The following IL1R2 variants were observed in gnomAD, a reference collection of about 807,000 sequenced individuals.
The protein encoded by IL1R2 is interleukin 1 receptor type 2.
Under a neutral mutation model 39.5 loss-of-function variants are expected in IL1R2, and 46 were observed. That is an observed-to-expected ratio of 1.16 (90% CI 0.92 to 1.49). The LOEUF (loss-of-function observed/expected upper bound fraction) is 1.49, where lower values mean the gene tolerates loss of function less well. IL1R2 is among the 40% of genes most tolerant of loss of function. The probability of loss-of-function intolerance (pLI) is 0.00; values close to 1 mark genes in which losing one functional copy is unlikely to be tolerated. For missense variants in IL1R2, 537 were observed against 502.0 expected (o/e 1.07, Z -0.67); for synonymous variants, 207 against 189.6 (o/e 1.09, Z -0.75).
chr2:102,009,433 A>T, intron 2 of IL1R2, 129 bp from the exon 3 acceptor site: 1 of 1,033,912 alleles, frequency 9.7e-7, no homozygotes, highest in Non-Finnish European at 1.4e-6. Context: ...GTTAGGGACA[A>T]ATGACATCTT....
At chr2:102,018,244 A>G (rs1677133267) in intron 4 of IL1R2, among the ~76,000 whole-genome samples, 1 of 152,182 alleles carries the variant, frequency 6.6e-6, no homozygotes, top group African/African-American at 2.4e-5. Context: ...CCTAGAATGC[A>G]TTCTCTTTTG....
chr2:102,001,043 T>G (rs1176080668), intron 1 of IL1R2, among the ~76,000 whole-genome samples: 2 of 152,166 alleles, frequency 1.3e-5, no homozygotes, highest in South Asian at 2.1e-4. Context: ...GTGGTCTTGC[T>G]GGGTGTCAGT....
intron 1 of IL1R2, among the ~76,000 whole-genome samples, chr2:101,994,184 G>C (rs928922485): frequency 6.6e-6 from 1 of 152,126 alleles, no homozygotes. Flanking sequence ...CTCTCCCGGG[G>C]TCTTCAGTTG....
At chr2:102,022,684 T>C (rs1171708397) in intron 6 of IL1R2, among the ~76,000 whole-genome samples, 1 of 152,186 alleles carries the variant, frequency 6.6e-6, no homozygotes, top group Non-Finnish European at 1.5e-5. Context: ...GGCTCAGCTG[T>C]GGTCAGTTTC....
At chr2:102,013,068 G>A (rs2160140) in intron 3 of IL1R2, among the ~76,000 whole-genome samples, 34,487 of 152,054 alleles carry the variant, frequency 0.23, 4,738 homozygotes, top group Non-Finnish European at 0.27. Context: ...TTCCCAAAAG[G>A]CAATCCTCAT....
chr2:102,003,463 T>G (rs999008701), intron 1 of IL1R2, among the ~76,000 whole-genome samples: 3 of 138,662 alleles, frequency 2.2e-5, no homozygotes, highest in Non-Finnish European at 4.6e-5. Flanking sequence ...TGTGGCTGTG[T>G]CTGTGTCGGT....
chr2:101,997,115 G>T (rs529279049), intron 1 of IL1R2, among the ~76,000 whole-genome samples: 32 of 152,144 alleles, frequency 2.1e-4, no homozygotes, highest in Non-Finnish European at 4.3e-4. Flanking sequence ...TGCTGACCTG[G>T]GGTAGGCACT....
intron 5 of IL1R2, among the ~76,000 whole-genome samples, chr2:102,021,539 C>T (rs981883202): frequency 8.5e-5 from 13 of 152,200 alleles, no homozygotes; most frequent in African/African-American, 2.9e-4. Flanking sequence ...TGGTCTCGAA[C>T]TCCTGACCTG....
intron 3 of IL1R2, among the ~76,000 whole-genome samples, chr2:102,010,787 A>T (rs1363530030): frequency 2.0e-5 from 3 of 152,064 alleles, no homozygotes; most frequent in Non-Finnish European, 4.4e-5. Flanking sequence ...TTATCATCTT[A>T]AACAGTTTTT....
chr2:102,002,232 A>C (rs777671355), intron 1 of IL1R2, among the ~76,000 whole-genome samples: 1 of 152,194 alleles, frequency 6.6e-6, no homozygotes. Context: ...AAGTTTGATG[A>C]TGTCTGCAAC....
chr2:102,004,493 A>C (rs766674849), intron 1 of IL1R2, among the ~76,000 whole-genome samples: 11 of 61,154 alleles, frequency 1.8e-4, no homozygotes, highest in African/African-American at 7.3e-4. Context: ...GTTATTTGAC[A>C]AAAAAAAAAA....
At chr2:102,002,463 CTGTCTGTGTCTG>C (rs72407418) in intron 1 of IL1R2, among the ~76,000 whole-genome samples, 3 of 143,018 alleles carry the variant, frequency 2.1e-5, no homozygotes, top group South Asian at 2.3e-4. Flanking sequence ...GTCTATGTCT[CTGTCTGTGTCTG>C]TGTCTGTGTC....
chr2:102,008,472 C>A (rs1053732946), intron 1 of IL1R2, 43 bp from the exon 2 acceptor site: 1 of 859,794 alleles, frequency 1.2e-6, no homozygotes, highest in Admixed American at 1.7e-5. Flanking sequence ...ATTCTCTCTG[C>A]AGGGTTCTTG....
At position 102,016,094 on chromosome 2, in the gene IL1R2, T is replaced by C. The variant is rs779725457; in HGVS notation, c.513+43T>C. 1.2e-5 allele frequency: 18 copies of C among 1,481,646 alleles called. No individual in the cohort carries two copies. The East Asian group carries it at 3.4e-4, about 28-fold the overall frequency. The allele number at this position is 1,481,646 out of a possible 1,614,324, so 91.8% of individuals were successfully genotyped here. A position where few individuals can be genotyped will look rare whatever the true frequency, so the allele number is the denominator to read the frequency against. ...GCCATTTTACTAAAATGTGTTTTCT[T>C]TTTTTACTAGCCATAAAAGAAAGAC... On this transcript the variant is annotated intron_variant, in intron 4 of 8. Transcript: ENST00000332549.
chr2:102,011,580 C>T (rs560510343), intron 3 of IL1R2, among the ~76,000 whole-genome samples: 38 of 152,240 alleles, frequency 2.5e-4, no homozygotes, highest in South Asian at 2.5e-3. Flanking sequence ...AAGTCCTTTG[C>T]CCATTTTAAA....
At chr2:102,018,123 A>C (rs1677124410) in intron 4 of IL1R2, among the ~76,000 whole-genome samples, 1 of 152,160 alleles carries the variant, frequency 6.6e-6, no homozygotes, top group Non-Finnish European at 1.5e-5. Context: ...TTTAATAGAG[A>C]TAGGGTCTCA....
intron 6 of IL1R2, chr2:102,023,675 A>C (rs967589153): frequency 5.3e-5 from 8 of 152,176 alleles, no homozygotes; most frequent in Admixed American, 5.2e-4. Flanking sequence ...AATGAAAAAA[A>C]AAATAATTTC....
chr2:101,999,619 G>T (rs964351858), intron 1 of IL1R2, among the ~76,000 whole-genome samples: 6 of 152,312 alleles, frequency 3.9e-5, no homozygotes, highest in African/African-American at 1.4e-4. Flanking sequence ...GACCTGGGAG[G>T]TCTCACCAGC....
Position 102,021,518 on chromosome 2 carries a change from G to A in IL1R2, c.689-669G>A, listed in dbSNP as rs185030651. Among the ~76,000 whole-genome samples the A allele has an allele frequency of 3.3e-5, 5 of 152,282 alleles. No individual in the cohort carries two copies. The East Asian group carries it at 9.7e-4, about 29-fold the overall frequency. On this transcript the variant is annotated intron_variant, in intron 5 of 8. Coordinates refer to ENST00000332549, the MANE Select transcript of IL1R2 (RefSeq NM_004633.4). ...TTTAGTAGAGACAGGGGTTCACCAT[G>A]TTGGTCAGGCTGGTCTCGAACTCCT...
Sources: gnomAD v4.1 joint callset for allele counts (sites outside exome capture counted in the v4.1 genomes callset) on GRCh38, gnomAD v4.1.1 for gene constraint, MANE v1.5 for transcripts, NCBI Gene and HGNC (gene_info 2026-07-23, HGNC 2026-07-21) for gene names.